Variants in TEX15 observed in about 807,000 individuals in gnomAD.
TEX15 encodes the protein testis-expressed protein 15.
TEX15 carries 171 observed loss-of-function variants against 237.3 expected under a neutral mutation model. The observed-to-expected ratio is 0.72, with a 90% CI of 0.64 to 0.82. The LOEUF is 0.82. Ranked by LOEUF, TEX15 falls within the 40% of genes least tolerant of loss-of-function variation. The pLI is 0.00. For synonymous variants in TEX15, 1,338 were observed against 1,269.8 expected (o/e 1.05, Z -1.14); for missense variants, 3,750 against 3,646.5 (o/e 1.03, Z -0.73).
intron 1 of TEX15, among the ~76,000 whole-genome samples, chr8:30,902,575 G>A (rs1809028685): frequency 6.6e-6 from 1 of 152,154 alleles, no homozygotes; most frequent in Non-Finnish European, 1.5e-5. Flanking sequence ...TACACATGCA[G>A]TAATATCCAC....
Position 30,844,022 on chromosome 8 carries a change from T to C in TEX15, c.6145A>G (p.Arg2049Gly), listed in dbSNP as rs149973800. 99 of 1,611,678 alleles carry C rather than the reference T, an allele frequency of 6.1e-5. No individual in the cohort carries two copies. The highest frequency in any genetic ancestry group is 1.7e-4 in the South Asian group (15 of 90,666). ...ECSVEQILIS[R>G]ELLVDQNLWN... ...AGGTTTTGGTCTACCAACAGTTCTCTTGAAATCAGGATTTGTTCAACTGAA... is the reference window on the plus strand; with the variant it reads ...AGGTTTTGGTCTACCAACAGTTCTCCTGAAATCAGGATTTGTTCAACTGAA... The change falls in exon 8 of 11, where the codon AGA (arginine) becomes GGA (glycine). Residue 2049 changes from arginine to glycine, a missense_variant. Coordinates refer to ENST00000643185, the MANE Select transcript of TEX15 (RefSeq NM_001350162.2).
chr8:30,850,639 A>G (rs1256340727), intron 7 of TEX15, among the ~76,000 whole-genome samples: 1 of 152,172 alleles, frequency 6.6e-6, no homozygotes, highest in Non-Finnish European at 1.5e-5. Flanking sequence ...ATAATGGAGA[A>G]GAAAATGGAA....
In TEX15 at chr8:30,845,089, T is replaced by C. The variant is rs1178290083; in HGVS notation, c.5078A>G (p.Gln1693Arg). 1 of 1,613,580 alleles carries C rather than the reference T, an allele frequency of 6.2e-7. No individual in the cohort carries two copies. Among genetic ancestry groups the C allele is most frequent in the Admixed American group, 1.7e-5 (1 of 60,006 alleles). ...KWTDPIERPK[Q>R]NIITGNFLMG... ...AAGGAAGTTTCCTGTAATAATGTTT[T>C]GTTTGGGTCTCTCAATAGGATCTGT... is the stretch of plus-strand genomic sequence containing the variant. The change falls in exon 8 of 11, where the codon CAA becomes CGA. Residue 1693 changes from glutamine (Q) to arginine (R), a missense_variant. Gln to Arg is a conservative substitution (Grantham distance 43). Coordinates refer to ENST00000643185, the MANE Select transcript of TEX15 (RefSeq NM_001350162.2).
At chr8:30,910,152 G>A (rs1809188939) in intron 1 of TEX15, among the ~76,000 whole-genome samples, 1 of 151,152 alleles carries the variant, frequency 6.6e-6, no homozygotes, top group Non-Finnish European at 1.5e-5. Flanking sequence ...ATCCAGTACA[G>A]TATATCATCC....
intron 10 of TEX15, among the ~76,000 whole-genome samples, chr8:30,834,118 A>G (rs2128765558): frequency 6.6e-6 from 1 of 152,264 alleles, no homozygotes; most frequent in Admixed American, 6.5e-5. Flanking sequence ...AATGATACCA[A>G]ATTAATAAAA....
chr8:30,833,219 A>T lies in TEX15; in HGVS notation c.*67T>A. ...ACATTAAAAATCGCTAAATGTTAAA[A>T]AATATATAAGTAAAAAATATTTGGA... On this transcript the variant is annotated 3_prime_UTR_variant, in exon 11 of 11. Coordinates refer to ENST00000643185, the MANE Select transcript of TEX15 (RefSeq NM_001350162.2). 1 of 1,117,022 alleles carries T rather than the reference A, an allele frequency of 9.0e-7. No homozygotes were observed. The highest frequency in any genetic ancestry group is 1.6e-5 in the African/African-American group (1 of 62,374). 69.2% of individuals were successfully genotyped at this position (1,117,022 alleles called of 1,614,324 possible). A position where few individuals can be genotyped will look rare whatever the true frequency, so the allele number is the denominator to read the frequency against.
intron 1 of TEX15, among the ~76,000 whole-genome samples, chr8:30,904,203 T>C (rs1809054963): frequency 1.3e-5 from 2 of 152,156 alleles, no homozygotes; most frequent in South Asian, 4.1e-4. Context: ...TCCCACCACT[T>C]TGGGAGGCTC....
intron 9 of TEX15, among the ~76,000 whole-genome samples, chr8:30,839,144 A>C (rs938046095): frequency 1.3e-5 from 2 of 152,018 alleles, no homozygotes; most frequent in Non-Finnish European, 2.9e-5. Flanking sequence ...TGCTTTATGA[A>C]ATTCTTAAAT....
chr8:30,853,125 A>G (rs1807824041), intron 7 of TEX15, among the ~76,000 whole-genome samples: 1 of 152,206 alleles, frequency 6.6e-6, no homozygotes, highest in South Asian at 2.1e-4. Context: ...GATTAAAGCA[A>G]TAAGCTATAA....
Position 30,874,969 on chromosome 8 carries a change from A to G in TEX15, c.270T>C (p.Asn90=). The change falls in exon 4 of 11, where the codon AAT becomes AAC. Residue 90 remains asparagine, a synonymous_variant. Coordinates refer to ENST00000643185, the MANE Select transcript of TEX15 (RefSeq NM_001350162.2). ...WQFGDTKLVH[N]EELEKNFTAK... ...CAGTAAAATTTTTTTCCAGTTCCTC[A>G]TTGTGAACCAGTTTTGTATCCCCAA... 1 of 1,361,422 alleles carries G rather than the reference A, an allele frequency of 7.3e-7. No homozygotes were observed. Among genetic ancestry groups the G allele is most frequent in the Non-Finnish European group, 9.5e-7 (1 of 1,057,352 alleles). 84.3% of individuals were successfully genotyped at this position (1,361,422 alleles called of 1,614,324 possible). A position where few individuals can be genotyped will look rare whatever the true frequency, so the allele number is the denominator to read the frequency against.
chr8:30,838,154 G>A, intron 9 of TEX15, 93 bp from the exon 10 acceptor site: 1 of 1,147,058 alleles, frequency 8.7e-7, no homozygotes, highest in Non-Finnish European at 1.2e-6. Flanking sequence ...TTATCCAGGG[G>A]AAGAGTTCTT....
intron 2 of TEX15, among the ~76,000 whole-genome samples, chr8:30,893,315 A>C (rs1808832839): frequency 6.6e-6 from 1 of 152,128 alleles, no homozygotes; most frequent in Non-Finnish European, 1.5e-5. Flanking sequence ...GAGGCAAATG[A>C]CTCCCTGAAA....
chr8:30,845,373 T>A lies in TEX15; in HGVS notation c.4794A>T (p.Lys1598Asn). 1 of 1,611,502 alleles carries A rather than the reference T, an allele frequency of 6.2e-7. No homozygotes were observed. The highest frequency in any genetic ancestry group is 1.3e-5 in the African/African-American group (1 of 75,020). The part of the protein sequence containing the change: ...LEKHSANHNV[K>N]DATKENSCDA... ...CACAACTGTTTTCTTTAGTTGCATC[T>A]TTAACATTATGATTTGCTGAATGTT... Residue 1598 changes from lysine (K) to asparagine (N), a missense_variant, in exon 8 of 11, where the codon AAA becomes AAT. By Grantham distance (94) the Lys-to-Asn change is moderately conservative. Coordinates refer to ENST00000643185, the MANE Select transcript of TEX15 (RefSeq NM_001350162.2).
intron 1 of TEX15, among the ~76,000 whole-genome samples, chr8:30,903,047 T>C (rs1215898221): frequency 6.6e-6 from 1 of 152,226 alleles, no homozygotes; most frequent in Non-Finnish European, 1.5e-5. Context: ...ATAGTCTATG[T>C]TGAATCAACC....
chr8:30,838,773 C>CATATAT (rs34610592), intron 9 of TEX15, among the ~76,000 whole-genome samples: 34 of 65,468 alleles, frequency 5.2e-4, no homozygotes, highest in South Asian at 1.2e-3. Context: ...TATATAAAAA[C>CATATAT]ATATATATAT....
Position 30,838,697 on chromosome 8 carries a change from T to TAC in TEX15, c.8223-638_8223-637dup, listed in dbSNP as rs3078152. 6.0e-3 allele frequency among the ~76,000 whole-genome samples: 813 copies of TAC among 134,932 alleles called. 10 individuals are homozygous for TAC. Among genetic ancestry groups the TAC allele is most frequent in the African/African-American group, 0.021 (751 of 36,466 alleles). 88.5% of individuals were successfully genotyped at this position (134,932 alleles called of 152,430 possible). A position where few individuals can be genotyped will look rare whatever the true frequency, so the allele number is the denominator to read the frequency against. Reference sequence around the variant, plus strand: ...TAGGTCCCTGAGGTAATTATATATATACACACACACACACACACACATATA... The same window carrying TAC: ...TAGGTCCCTGAGGTAATTATATATATACACACACACACACACACACACATATA... On this transcript the variant is annotated intron_variant, in intron 9 of 10. Coordinates refer to ENST00000643185, the MANE Select transcript of TEX15 (RefSeq NM_001350162.2).
intron 4 of TEX15, among the ~76,000 whole-genome samples, chr8:30,868,629 T>C (rs1435405799): frequency 6.6e-6 from 1 of 152,130 alleles, no homozygotes; most frequent in East Asian, 1.9e-4. Context: ...TAGATAATGA[T>C]CACTTCTATT....
intron 2 of TEX15, chr8:30,888,488 T>C (rs1808713648): frequency 4.2e-6 from 2 of 472,912 alleles, no homozygotes; most frequent in Admixed American, 6.2e-5. Context: ...TCCCTCTCCT[T>C]TCTCTCTCTC....
intron 1 of TEX15, among the ~76,000 whole-genome samples, chr8:30,901,911 C>T (rs892306102): frequency 1.1e-4 from 17 of 152,294 alleles, no homozygotes; most frequent in African/African-American, 3.6e-4. Context: ...TCACTGGCTA[C>T]GCAAGCTGGG....
Sources: allele counts gnomAD v4.1 joint callset (sites outside exome capture counted in the v4.1 genomes callset), GRCh38; gene constraint gnomAD v4.1.1; transcripts MANE v1.5; gene names NCBI Gene and HGNC (gene_info 2026-07-23, HGNC 2026-07-21).